The following OFD1 variants were observed in gnomAD, a reference collection of about 807,000 sequenced individuals.
The protein encoded by OFD1 is OFD1 centriole and centriolar satellite protein.
Under a neutral mutation model 81.4 loss-of-function variants are expected in OFD1, and 12 were observed. That is an observed-to-expected ratio of 0.15 (90% CI 0.09 to 0.24). OFD1 has a LOEUF of 0.24. Among genes scored for constraint, OFD1 ranks in the 10% least tolerant of loss-of-function variants. OFD1 has a pLI of 1.00. For missense variants in OFD1, 685 were observed against 733.9 expected, an observed-to-expected ratio of 0.93 and a Z score of 0.77; for synonymous variants, 256 against 263.7, an observed-to-expected ratio of 0.97 and a Z score of 0.28.
downstream of OFD1, chrX:13,773,090 CTAGT>C (rs1241363825): frequency 6.6e-6 from 7 of 1,056,645 alleles, no homozygotes; most frequent in African/African-American, 9.2e-5. Flanking sequence ...AAGCGAGGCG[CTAGT>C]TAGATTAGAC....
In OFD1 at chrX:13,749,483, G is replaced by C. The variant is rs200439308; in HGVS notation, c.885G>C (p.Leu295Phe). 3 of 1,202,297 alleles carry C rather than the reference G, an allele frequency of 2.5e-6. No individual in the cohort carries two copies. The East Asian group carries it at 8.9e-5, about 36-fold the overall frequency. The change falls in exon 9 of 23, where the codon TTG becomes TTC. Residue 295 changes from leucine (L) to phenylalanine (F), a missense_variant. Transcript: ENST00000340096. ...QRQLLLKDMD[L>F]LRGREAELKQ... ...AACTTTTACTAAAAGATATGGATTT[G>C]CTAAGAGGAAGAGAAGCAGAGCTGA...
chrX:13,753,080 A>G, intron 10 of OFD1: 1 of 936,621 alleles, frequency 1.1e-6, no homozygotes, highest in Non-Finnish European at 1.3e-6. Flanking sequence ...GTCAGTTGAG[A>G]CCAACTGAAA....
the OFD1 span, among the ~76,000 whole-genome samples, chrX:13,717,722 A>C: frequency 2.8e-4 from 31 of 111,631 alleles, no homozygotes; most frequent in African/African-American, 1.0e-3. Context: ...CTGGGGGACA[A>C]GAGCAAAACT....
At chrX:13,768,477 A>G (rs1418017178) in intron 21 of OFD1, among the ~76,000 whole-genome samples, 1 of 112,415 alleles carries the variant, frequency 8.9e-6, no homozygotes, top group Non-Finnish European at 1.9e-5. Context: ...TCATTAAGAA[A>G]GAAAAGATCT....
upstream of OFD1, chrX:13,734,221 AC>A (rs1437222542): frequency 2.2e-4 from 100 of 444,698 alleles, no homozygotes; most frequent in African/African-American, 1.9e-3. Flanking sequence ...AGCTAAACCT[AC>A]AATGCACAGG....
upstream of OFD1, among the ~76,000 whole-genome samples, chrX:13,732,358 G>C (rs920378879): frequency 2.7e-5 from 3 of 112,117 alleles, no homozygotes; most frequent in Non-Finnish European, 3.8e-5. Context: ...TGGAAAGGGA[G>C]TGGGGTACAG....
intron 2 of OFD1, chrX:13,736,111 A>G: frequency 1.2e-6 from 1 of 839,823 alleles, no homozygotes; most frequent in South Asian, 3.9e-5. Flanking sequence ...CCAACAGTCC[A>G]CAGAGGTGTG....
intron 21 of OFD1, 89 bp downstream of exon 21, chrX:13,768,313 C>T (rs775722126): frequency 4.4e-5 from 31 of 696,645 alleles, no homozygotes; most frequent in South Asian, 1.8e-4. Context: ...TCCGTCTTCT[C>T]CATTGAAGAC....
chrX:13,722,926 G>A, the OFD1 span, among the ~76,000 whole-genome samples: 2 of 110,108 alleles, frequency 1.8e-5, no homozygotes, highest in Non-Finnish European at 3.8e-5. Flanking sequence ...AGCCGAGTGT[G>A]GTGGTGGGCA....
chrX:13,744,151 TG>T (rs763678183), intron 5 of OFD1, among the ~76,000 whole-genome samples: 3 of 110,797 alleles, frequency 2.7e-5, no homozygotes, highest in Non-Finnish European at 3.8e-5. Flanking sequence ...CTGGGCGTGG[TG>T]GGTGGTGGTG....
chrX:13,773,704 G>C (rs759598263), downstream of OFD1: 1 of 110,490 alleles, frequency 9.1e-6, no homozygotes. Context: ...TATTTTCCTC[G>C]TATTTCCTGC....
At chrX:13,767,036 G>A (rs2048154167) in intron 19 of OFD1, 91 bp from the exon 20 acceptor site, 3 of 902,075 alleles carry the variant, frequency 3.3e-6, no homozygotes, top group South Asian at 2.1e-5. Flanking sequence ...CAGAGTCTCC[G>A]TGGGTCTTGG....
At chrX:13,763,503 G>T (rs1050103894) in intron 18 of OFD1, among the ~76,000 whole-genome samples, 1 of 112,638 alleles carries the variant, frequency 8.9e-6, no homozygotes, top group Non-Finnish European at 1.9e-5. Context: ...TGATTTTCCT[G>T]TTGGGTAACG....
chrX:13,720,688 A>C, the OFD1 span: 1 of 112,184 alleles, frequency 8.9e-6, no homozygotes, highest in Non-Finnish European at 1.9e-5. Context: ...GAAATAATCC[A>C]TAAAGGAAGA....
chrX:13,722,787 G>C, the OFD1 span, among the ~76,000 whole-genome samples: 1 of 111,936 alleles, frequency 8.9e-6, no homozygotes, highest in African/African-American at 3.3e-5. Context: ...GTGTAGGCCA[G>C]GCGCGGTGGC....
chrX:13,722,429 T>C, the OFD1 span, among the ~76,000 whole-genome samples: 1 of 110,636 alleles, frequency 9.0e-6, no homozygotes, highest in South Asian at 3.8e-4. Context: ...GCGCAAAAGA[T>C]GAGACAGAGC....
intron 11 of OFD1, among the ~76,000 whole-genome samples, chrX:13,753,942 T>C (rs2047599025): frequency 8.9e-6 from 1 of 112,271 alleles, no homozygotes; most frequent in South Asian, 3.6e-4. Context: ...ACTATGGAAG[T>C]TGAATAATTT....
intron 1 of OFD1, 71 bp downstream of exon 1, chrX:13,735,154 G>A: frequency 1.7e-6 from 2 of 1,200,380 alleles, no homozygotes; most frequent in South Asian, 1.8e-5. Context: ...TCGCCGCTAG[G>A]CCTCTTATGG....
At chrX:13,773,122 G>C (rs1201559023), downstream of OFD1, 30 of 774,823 alleles carry the variant, frequency 3.9e-5, no homozygotes, top group Non-Finnish European at 5.3e-5. Flanking sequence ...ACTTTAAAGG[G>C]GCGAAGGTTA....
Sources: allele counts gnomAD v4.1 joint callset (sites outside exome capture counted in the v4.1 genomes callset), GRCh38; gene constraint gnomAD v4.1.1; transcripts MANE v1.5; gene names NCBI Gene and HGNC (gene_info 2026-07-23, HGNC 2026-07-21).